TLK2: variants seen among roughly 807,000 people sequenced by gnomAD.
TLK2 encodes the protein tousled like kinase 2.
Under a neutral mutation model 117.3 loss-of-function variants are expected in TLK2, and 6 were observed. That is an observed-to-expected ratio of 0.05 (90% CI 0.03 to 0.10). The LOEUF (loss-of-function observed/expected upper bound fraction) is 0.10. Ranked by LOEUF, TLK2 falls within the 10% of genes least tolerant of loss-of-function variation. TLK2 has a pLI of 1.00. For missense variants in TLK2, 299 were observed against 901.2 expected (o/e 0.33, Z 8.56); for synonymous variants, 257 against 316.7 (o/e 0.81, Z 2.00).
intron 7 of TLK2, among the ~76,000 whole-genome samples, chr17:62,546,532 G>T: frequency 6.8e-6 from 1 of 146,840 alleles, no homozygotes; most frequent in South Asian, 2.2e-4. Flanking sequence ...TATCTTCTGG[G>T]AGATTTTCTT....
intron 2 of TLK2, chr17:62,516,770 C>G: frequency 6.6e-7 from 1 of 1,524,620 alleles, no homozygotes; most frequent in African/African-American, 1.4e-5. Flanking sequence ...ATCAACATCT[C>G]TGCAGCTGCA....
intron 2 of TLK2, among the ~76,000 whole-genome samples, chr17:62,514,447 A>C (rs1234531268): frequency 7.6e-6 from 1 of 132,360 alleles, no homozygotes; most frequent in Non-Finnish European, 1.7e-5. Flanking sequence ...CCCAGTCAAT[A>C]ATAATTAAAA....
intron 2 of TLK2, among the ~76,000 whole-genome samples, chr17:62,489,553 G>A (rs2072882115): frequency 6.6e-6 from 1 of 152,060 alleles, no homozygotes; most frequent in Non-Finnish European, 1.5e-5. Flanking sequence ...AAATTGAGCA[G>A]CTAATGCAGA....
intron 2 of TLK2, among the ~76,000 whole-genome samples, chr17:62,502,875 A>G (rs1000758444): frequency 6.6e-6 from 1 of 152,200 alleles, no homozygotes; most frequent in African/African-American, 2.4e-5. Context: ...GGTGCAAAGG[A>G]TTAAAGAACA....
chr17:62,544,294 G>A (rs2077745201), intron 7 of TLK2, among the ~76,000 whole-genome samples: 1 of 152,162 alleles, frequency 6.6e-6, no homozygotes, highest in Non-Finnish European at 1.5e-5. Context: ...TTAACAGGAA[G>A]CATGACTGGG....
At chr17:62,588,145 A>G (rs574161170) in intron 16 of TLK2, among the ~76,000 whole-genome samples, 2 of 151,424 alleles carry the variant, frequency 1.3e-5, no homozygotes, top group South Asian at 4.2e-4. Flanking sequence ...TATAAAATAT[A>G]CGTATACATC....
At chr17:62,534,247 A>G (rs1290819440) in intron 6 of TLK2, among the ~76,000 whole-genome samples, 1 of 152,248 alleles carries the variant, frequency 6.6e-6, no homozygotes, top group Non-Finnish European at 1.5e-5. Context: ...CTAGATGACC[A>G]CTATACCACC....
intron 6 of TLK2, among the ~76,000 whole-genome samples, chr17:62,526,859 C>T (rs1427296152): frequency 1.3e-5 from 2 of 152,032 alleles, no homozygotes; most frequent in African/African-American, 4.8e-5. Flanking sequence ...TTGTTTTTGC[C>T]CTTGTTTCAC....
chr17:62,495,669 A>ATATC (rs1567789619), intron 2 of TLK2, among the ~76,000 whole-genome samples: 1 of 142,242 alleles, frequency 7.0e-6, no homozygotes, highest in Non-Finnish European at 1.5e-5. Flanking sequence ...ATATATATAT[A>ATATC]TATATTGGAG....
intron 17 of TLK2, among the ~76,000 whole-genome samples, chr17:62,597,764 G>A (rs2082584725): frequency 6.6e-6 from 1 of 152,200 alleles, no homozygotes; most frequent in South Asian, 2.1e-4. Context: ...GTCTGAGATA[G>A]TTATTAATTG....
intron 2 of TLK2, among the ~76,000 whole-genome samples, chr17:62,519,931 C>T (rs1356801105): frequency 2.6e-5 from 4 of 152,146 alleles, no homozygotes; most frequent in African/African-American, 9.7e-5. Context: ...AGTACCACAA[C>T]CCCTATTGTT....
intron 14 of TLK2, 71 bp downstream of exon 14, chr17:62,578,645 A>G (rs1413426186): frequency 5.0e-6 from 6 of 1,190,216 alleles, no homozygotes; most frequent in Admixed American, 3.7e-5. Flanking sequence ...ATGGTCTAGA[A>G]TAATGTGTTT....
In TLK2 at chr17:62,531,245, C is replaced by T. The variant is rs532448860; in HGVS notation, c.364-4925C>T. 4.1e-5 allele frequency among the ~76,000 whole-genome samples: 6 copies of T among 147,638 alleles called. No individual in the cohort carries two copies. The South Asian group carries it at 1.3e-3, about 32-fold the overall frequency. ...TACATTATACTTTCTAATTTTATTA[C>T]CATGGCTTTTGACTTTTTTTGTATT... On this transcript the variant is annotated intron_variant, in intron 6 of 21. Transcript: ENST00000346027.
chr17:62,573,804 C>T (rs1383367588), intron 12 of TLK2, among the ~76,000 whole-genome samples: 6 of 152,124 alleles, frequency 3.9e-5, no homozygotes, highest in Non-Finnish European at 8.8e-5. Context: ...GATAAGCCCC[C>T]CAGAAAGCTG....
At chr17:62,527,311 C>G (rs1051710125) in intron 6 of TLK2, among the ~76,000 whole-genome samples, 2 of 152,170 alleles carry the variant, frequency 1.3e-5, no homozygotes, top group Admixed American at 6.5e-5. Context: ...CACCCATGTA[C>G]ATACATTTTA....
intron 16 of TLK2, among the ~76,000 whole-genome samples, chr17:62,592,284 G>GTAATTT (rs2082139195): frequency 6.6e-6 from 1 of 151,944 alleles, no homozygotes; most frequent in Non-Finnish European, 1.5e-5. Flanking sequence ...AAATAGTATT[G>GTAATTT]GTAATTACAT....
intron 2 of TLK2, among the ~76,000 whole-genome samples, chr17:62,511,457 G>C (rs550011530): frequency 1.3e-5 from 2 of 152,150 alleles, no homozygotes; most frequent in Admixed American, 6.6e-5. Flanking sequence ...TGCAGCCTCT[G>C]CCTCCTGGGT....
chr17:62,559,825 ATATGT>A (rs1381221619), intron 9 of TLK2, among the ~76,000 whole-genome samples, 186 bp from the exon 10 acceptor site: 1 of 152,220 alleles, frequency 6.6e-6, no homozygotes, highest in African/African-American at 2.4e-5. Context: ...CAAATAGATG[ATATGT>A]TATGAGAGAA....
At chr17:62,598,904 A>G (rs1375852245) in intron 17 of TLK2, among the ~76,000 whole-genome samples, 1 of 152,076 alleles carries the variant, frequency 6.6e-6, no homozygotes, top group Non-Finnish European at 1.5e-5. Flanking sequence ...AGATTTCAGA[A>G]TCTCAGATCA....
Sources: gnomAD v4.1 joint callset for allele counts (sites outside exome capture counted in the v4.1 genomes callset) on GRCh38, gnomAD v4.1.1 for gene constraint, MANE v1.5 for transcripts, NCBI Gene and HGNC (gene_info 2026-07-23, HGNC 2026-07-21) for gene names.